Variants in CCDC91 observed in about 807,000 individuals in gnomAD.
CCDC91 encodes coiled-coil domain-containing protein 91.
CCDC91 carries 48 observed loss-of-function variants against 63.2 expected under a neutral mutation model. The ratio of observed to expected loss-of-function variants is 0.76; its 90% CI spans 0.60 to 0.97. The LOEUF is 0.97. Among genes scored for constraint, CCDC91 ranks in the 50% least tolerant of loss-of-function variants. The pLI, the probability that CCDC91 is intolerant of heterozygous loss-of-function variation, is 0.00. For missense variants in CCDC91, 500 were observed against 494.6 expected, an observed-to-expected ratio of 1.01 and a Z score of -0.10; for synonymous variants, 167 against 165.8, an observed-to-expected ratio of 1.01 and a Z score of -0.06.
At chr12:28,509,380 G>A (rs550993335) in intron 12 of CCDC91, among the ~76,000 whole-genome samples, 138 of 151,956 alleles carry the variant, frequency 9.1e-4, no homozygotes, top group African/African-American at 2.6e-3. Flanking sequence ...ATGAGGAGGT[G>A]CAAGGTAGAT....
intron 8 of CCDC91, among the ~76,000 whole-genome samples, chr12:28,397,847 T>C (rs1363951060): frequency 6.6e-6 from 1 of 152,094 alleles, no homozygotes; most frequent in Non-Finnish European, 1.5e-5. Context: ...CCTTAATCTT[T>C]TATTAAAAAA....
chr12:28,397,966 T>G (rs1415169214), intron 8 of CCDC91, among the ~76,000 whole-genome samples: 3 of 152,140 alleles, frequency 2.0e-5, no homozygotes, highest in Non-Finnish European at 2.9e-5. Flanking sequence ...TACAAGTACT[T>G]TGTTGAATTG....
At chr12:28,355,514 G>A (rs1347248735) in intron 6 of CCDC91, among the ~76,000 whole-genome samples, 1 of 152,156 alleles carries the variant, frequency 6.6e-6, no homozygotes, top group African/African-American at 2.4e-5. Flanking sequence ...CATTTGAGTA[G>A]TTGTTTTCAT....
In CCDC91 at chr12:28,323,911, G is replaced by T. The variant is rs535141139; in HGVS notation, c.576+16162G>T. Among the ~76,000 whole-genome samples the T allele has an allele frequency of 5.3e-5, 8 of 151,932 alleles. No individual in the cohort carries two copies. In the East Asian group the frequency reaches 1.6e-3, roughly 29 times the overall value. ...TTGGTATGTCAGCATAGGATGTGAGGGGAAGGCATTTTTGTAGCTGAATCT... is the reference window on the plus strand; with the variant it reads ...TTGGTATGTCAGCATAGGATGTGAGTGGAAGGCATTTTTGTAGCTGAATCT... On this transcript the variant is annotated intron_variant, in intron 6 of 12. Transcript: ENST00000536442.
At chr12:28,532,743 C>G (rs760773468) in intron 12 of CCDC91, among the ~76,000 whole-genome samples, 22 of 151,994 alleles carry the variant, frequency 1.4e-4, no homozygotes, top group Non-Finnish European at 2.2e-4. Context: ...TAGATGGCAA[C>G]TTAAATATAT....
intron 8 of CCDC91, among the ~76,000 whole-genome samples, chr12:28,447,823 A>G (rs1592703015): frequency 1.8e-4 from 1 of 5,608 alleles, no homozygotes; most frequent in Admixed American, 4.7e-3. Flanking sequence ...AGGGGAAGGG[A>G]GGGGAGGGGA....
chr12:28,270,518 G>A (rs1413936024), intron 3 of CCDC91, among the ~76,000 whole-genome samples: 1 of 152,070 alleles, frequency 6.6e-6, no homozygotes, highest in Non-Finnish European at 1.5e-5. Flanking sequence ...CTTTAGTTAT[G>A]TAAATCAACT....
rs78818241 is a variant in CCDC91 at position 28,432,029 on chromosome 12, G to A, written c.763-18132G>A. 9.8e-3 allele frequency among the ~76,000 whole-genome samples: 1,480 copies of A among 151,188 alleles called. 17 individuals are homozygous for A. Among genetic ancestry groups the A allele is most frequent in the South Asian group, 0.022 (103 of 4,706 alleles). On this transcript the variant is annotated intron_variant, in intron 8 of 12. Coordinates refer to ENST00000536442, the MANE Select transcript of CCDC91 (RefSeq NM_018318.5). ...TGACTTCTTTAACTTAGTAATATGC[G>A]TTTAGGTTTTCTCTGTGGCTTGATA...
chr12:28,280,208 A>T (rs560373415), intron 3 of CCDC91, among the ~76,000 whole-genome samples: 64 of 152,178 alleles, frequency 4.2e-4, no homozygotes, highest in African/African-American at 1.4e-3. Context: ...TGATAATACT[A>T]TAAGATTTTA....
intron 1 of CCDC91, among the ~76,000 whole-genome samples, chr12:28,197,125 T>A (rs770969167): frequency 6.6e-6 from 1 of 152,150 alleles, no homozygotes; most frequent in African/African-American, 2.4e-5. Flanking sequence ...TTTTTCAGGT[T>A]CTTATATCCA....
At chr12:28,204,964 A>C (rs946435098) in intron 1 of CCDC91, among the ~76,000 whole-genome samples, 3 of 152,194 alleles carry the variant, frequency 2.0e-5, no homozygotes, top group African/African-American at 7.2e-5. Flanking sequence ...TTTATTACGT[A>C]TTTACTCAGT....
chr12:28,190,631 G>C lies in CCDC91; in HGVS notation c.-25G>C, dbSNP rs1245546265. 6.5e-6 allele frequency: 1 copy of C among 154,592 alleles called. No homozygotes were observed. Among genetic ancestry groups the C allele is most frequent in the African/African-American group, 2.4e-5 (1 of 41,502 alleles). The allele number at this position is 154,592 out of a possible 1,614,324, so 9.6% of individuals were successfully genotyped here. On this transcript the variant is annotated 5_prime_UTR_variant, in exon 1 of 13. Coordinates refer to ENST00000536442, the MANE Select transcript of CCDC91 (RefSeq NM_018318.5). ...GCAGCGGCGGCAGCGGAGAGCGAGA[G>C]AGGGGAGCAGGTAAGTGAACGCTCG...
At chr12:28,260,519 TA>T (rs577578485) in intron 3 of CCDC91, among the ~76,000 whole-genome samples, 163 of 152,094 alleles carry the variant, frequency 1.1e-3, no homozygotes, top group African/African-American at 3.7e-3. Context: ...TGTTCATTCC[TA>T]CCCCCTTATG....
At chr12:28,254,768 T>G (rs1476243426) in intron 1 of CCDC91, among the ~76,000 whole-genome samples, 1 of 141,470 alleles carries the variant, frequency 7.1e-6, no homozygotes, top group African/African-American at 2.5e-5. Context: ...AAGAGTATCA[T>G]CTGCTTTTTT....
chr12:28,268,794 A>G, intron 3 of CCDC91: 2 of 423,268 alleles, frequency 4.7e-6, no homozygotes, highest in Non-Finnish European at 6.3e-6. Flanking sequence ...GCAATATGAG[A>G]CTAAGAAAAA....
At chr12:28,428,787 C>T (rs1042607505) in intron 8 of CCDC91, among the ~76,000 whole-genome samples, 2 of 151,870 alleles carry the variant, frequency 1.3e-5, no homozygotes, top group African/African-American at 2.4e-5. Flanking sequence ...TAATCTTTCT[C>T]AATATGTTAC....
At chr12:28,344,750 C>T (rs915148162) in intron 6 of CCDC91, among the ~76,000 whole-genome samples, 1 of 152,194 alleles carries the variant, frequency 6.6e-6, no homozygotes, top group Middle Eastern at 3.4e-3. Context: ...TAGCTATTAG[C>T]CTTTGAATGA....
At chr12:28,446,337 TTCTGTTTGAGGTTTTAATATAAA>T (rs1329594410) in intron 8 of CCDC91, among the ~76,000 whole-genome samples, 3 of 152,170 alleles carry the variant, frequency 2.0e-5, no homozygotes, top group Non-Finnish European at 4.4e-5. Context: ...TTCAGCATTT[TTCTGTTTGAGGTTTTAATATAAA>T]TGAACATAAA....
chr12:28,520,268 T>G (rs966172004), intron 12 of CCDC91, among the ~76,000 whole-genome samples: 1 of 152,176 alleles, frequency 6.6e-6, no homozygotes, highest in African/African-American at 2.4e-5. Flanking sequence ...CCATTCTAAC[T>G]GGTGTGAGAT....
Sources: gnomAD v4.1 joint callset for allele counts (sites outside exome capture counted in the v4.1 genomes callset) on GRCh38, gnomAD v4.1.1 for gene constraint, MANE v1.5 for transcripts, NCBI Gene and HGNC (gene_info 2026-07-23, HGNC 2026-07-21) for gene names.